PCDH15: variants seen among roughly 807,000 people sequenced by gnomAD.
PCDH15 encodes protocadherin related 15, also known as protocadherin-15.
Under a neutral mutation model 178.5 loss-of-function variants are expected in PCDH15, and 129 were observed. That is an observed-to-expected ratio of 0.72 (90% CI 0.63 to 0.84). PCDH15 has a LOEUF of 0.84. Among genes scored for constraint, PCDH15 ranks in the 40% least tolerant of loss-of-function variants. PCDH15 has a pLI of 0.00. For synonymous variants in PCDH15, 800 were observed against 732.0 expected (o/e 1.09, Z -1.50); for missense variants, 2,230 against 2,099.9 (o/e 1.06, Z -1.21).
intron 3 of PCDH15, among the ~76,000 whole-genome samples, chr10:54,520,444 C>G (rs1393339837): frequency 1.3e-5 from 2 of 152,008 alleles, no homozygotes; most frequent in African/African-American, 4.8e-5. Flanking sequence ...ATTTATGCAG[C>G]CAAAAAACAC....
chr10:54,452,020 T>C (rs541327694), intron 3 of PCDH15, among the ~76,000 whole-genome samples: 1 of 152,112 alleles, frequency 6.6e-6, no homozygotes, highest in South Asian at 2.1e-4. Flanking sequence ...GAATTCATTT[T>C]ACTAATTTCC....
chr10:55,090,242 A>C (rs1842282096), intron 2 of PCDH15, among the ~76,000 whole-genome samples: 1 of 152,090 alleles, frequency 6.6e-6, no homozygotes. Context: ...AATTTTTATT[A>C]GTTACTGGGG....
chr10:54,896,143 C>A (rs766308697), intron 3 of PCDH15, among the ~76,000 whole-genome samples: 8 of 152,034 alleles, frequency 5.3e-5, no homozygotes, highest in African/African-American at 7.2e-5. Flanking sequence ...CCTTTGCCTC[C>A]CAAAGTGCTG....
chr10:55,323,755 G>T (rs1843962855), upstream of PCDH15, among the ~76,000 whole-genome samples: 1 of 152,130 alleles, frequency 6.6e-6, no homozygotes, highest in Admixed American at 6.5e-5. Flanking sequence ...CTCAGATGAG[G>T]CTTTGGACTG....
At chr10:55,438,006 T>C (rs1589027437) in intron 2 of PCDH15, among the ~76,000 whole-genome samples, 2 of 151,858 alleles carry the variant, frequency 1.3e-5, no homozygotes, top group East Asian at 3.9e-4. Context: ...CGGCTAATTT[T>C]GTATTTTTAG....
At position 55,289,965 on chromosome 10, in the gene PCDH15, T is replaced by C. The variant is rs369348854; in HGVS notation, c.-156+29634A>G. On this transcript the variant is annotated intron_variant, in intron 1 of 5. Coordinates refer to the PCDH15 transcript ENST00000458638. ...ATTTCCTTTGCTTGTGCTCAGCAGTTCTTCTGCTCTTCTGTCATAAGAAAA... is the reference window on the plus strand; with the variant it reads ...ATTTCCTTTGCTTGTGCTCAGCAGTCCTTCTGCTCTTCTGTCATAAGAAAA... Among the ~76,000 whole-genome samples the C allele has an allele frequency of 2.0e-5, 3 of 152,038 alleles. No individual in the cohort carries two copies. In the East Asian group the frequency reaches 5.8e-4, roughly 29 times the overall value.
intron 1 of PCDH15, among the ~76,000 whole-genome samples, chr10:55,274,618 A>C (rs1487135335): frequency 6.6e-6 from 1 of 151,958 alleles, no homozygotes; most frequent in Non-Finnish European, 1.5e-5. Flanking sequence ...ACAGCTTACC[A>C]CTTTTTTCCA....
intron 18 of PCDH15, among the ~76,000 whole-genome samples, chr10:54,062,318 A>C (rs907852425): frequency 1.3e-5 from 2 of 151,334 alleles, no homozygotes; most frequent in South Asian, 2.1e-4. Flanking sequence ...TTCATATTAA[A>C]ATATCAATAG....
rs200575121 is a variant in PCDH15, at chr10:54,512,359, TTGTGTGTGTGTGTG to T, written c.157+15439_157+15452del. Among the ~76,000 whole-genome samples the T allele has an allele frequency of 5.0e-3, 675 of 134,166 alleles. 6 individuals are homozygous for T. The highest frequency in any genetic ancestry group is 0.013 in the African/African-American group (502 of 37,338). 88.0% of individuals were successfully genotyped at this position (134,166 alleles called of 152,430 possible). On this transcript the variant is annotated intron_variant, in intron 3 of 37. Transcript: ENST00000644397. ...GAACATGGTATAGACATTTCTGGCA[TTGTGTGTGTGTGTG>T]TGTGTGTGTGTGTGTGTGTGTGTGT...
intron 3 of PCDH15, among the ~76,000 whole-genome samples, chr10:54,392,965 G>T (rs1271821136): frequency 6.6e-6 from 1 of 151,752 alleles, no homozygotes. Context: ...TCAGAGTATG[G>T]CTAAGGGAAG....
At chr10:54,731,545 G>C (rs11004511) in intron 1 of PCDH15, among the ~76,000 whole-genome samples, 1 of 80,256 alleles carries the variant, frequency 1.2e-5, no homozygotes, top group African/African-American at 4.7e-5. Context: ...ATGTGAGATA[G>C]ATATATATAT....
chr10:54,126,839 A>G (rs940900568), intron 15 of PCDH15, among the ~76,000 whole-genome samples: 25 of 152,108 alleles, frequency 1.6e-4, no homozygotes, highest in African/African-American at 6.0e-4. Context: ...ATTATTCTTT[A>G]ATTTTTGTTT....
Position 53,855,920 on chromosome 10 carries a change from A to ATATGTGTGTGTG in PCDH15, c.3806+1254_3806+1255insCACACACACATA, listed in dbSNP as rs1201156130. On this transcript the variant is annotated intron_variant, in intron 28 of 37. Transcript: ENST00000644397. ...AGGTGATATGTATATATATATATAT[A>ATATGTGTGTGTG]TGTATGTGTGTGTGTGTAATGAAAT... 2.1e-5 allele frequency among the ~76,000 whole-genome samples: 3 copies of ATATGTGTGTGTG among 140,410 alleles called. No individual in the cohort carries two copies. The South Asian group carries it at 7.2e-4, about 34-fold the overall frequency. 92.1% of individuals were successfully genotyped at this position (140,410 alleles called of 152,430 possible). A position where few individuals can be genotyped will look rare whatever the true frequency, so the allele number is the denominator to read the frequency against.
intron 2 of PCDH15, among the ~76,000 whole-genome samples, chr10:54,931,929 G>A (rs1837788207): frequency 6.6e-6 from 1 of 152,078 alleles, no homozygotes; most frequent in Admixed American, 6.6e-5. Context: ...GAAAGAAAAT[G>A]CACCTCCATA....
chr10:54,043,474 GC>G, intron 18 of PCDH15, among the ~76,000 whole-genome samples: 1 of 151,982 alleles, frequency 6.6e-6, no homozygotes, highest in South Asian at 2.1e-4. Context: ...GCTCACTGCA[GC>G]TTTGACTTTC....
At chr10:55,615,231 CA>C (rs35754015) in intron 2 of PCDH15, among the ~76,000 whole-genome samples, 92,869 of 151,772 alleles carry the variant, frequency 0.61, 29,165 homozygotes, top group African/African-American at 0.68. Context: ...ATAGATTTGA[CA>C]AAACATTTAA....
intron 2 of PCDH15, among the ~76,000 whole-genome samples, chr10:55,110,025 T>C (rs963879953): frequency 2.0e-5 from 3 of 151,510 alleles, no homozygotes; most frequent in African/African-American, 7.3e-5. Flanking sequence ...ATATATATTA[T>C]TTGTTGTATT....
intron 3 of PCDH15, among the ~76,000 whole-genome samples, chr10:54,836,780 G>A (rs527573136): frequency 7.9e-5 from 12 of 152,114 alleles, no homozygotes; most frequent in African/African-American, 2.6e-4. Context: ...TACCATTGCA[G>A]AACTAATAAG....
chr10:54,977,655 T>A (rs780616032), intron 2 of PCDH15, among the ~76,000 whole-genome samples: 2 of 152,226 alleles, frequency 1.3e-5, no homozygotes, highest in Non-Finnish European at 2.9e-5. Context: ...CTTTTCTGCC[T>A]ATGAAATAGT....
Sources: allele counts gnomAD v4.1 joint callset (sites outside exome capture counted in the v4.1 genomes callset), GRCh38; gene constraint gnomAD v4.1.1; transcripts MANE v1.5; gene names NCBI Gene and HGNC (gene_info 2026-07-23, HGNC 2026-07-21).